Variants in ADAMTS8 observed in about 807,000 individuals in gnomAD.
The protein encoded by ADAMTS8 is ADAM metallopeptidase with thrombospondin type 1 motif 8, also known as A disintegrin and metalloproteinase with thrombospondin motifs 8.
ADAMTS8 carries 50 observed loss-of-function variants against 64.4 expected under a neutral mutation model. That is an observed-to-expected ratio of 0.78 (90% CI 0.62 to 0.98). The LOEUF is 0.98. Among genes scored for constraint, ADAMTS8 ranks in the 50% least tolerant of loss-of-function variants. The pLI is 0.00. For synonymous variants in ADAMTS8, 556 were observed against 533.6 expected, an observed-to-expected ratio of 1.04 and a Z score of -0.58; for missense variants, 1,192 against 1,208.2, an observed-to-expected ratio of 0.99 and a Z score of 0.20.
At position 130,405,739 on chromosome 11, in the gene ADAMTS8, G is replaced by A. The variant is rs373074592; in HGVS notation, c.2489C>T (p.Pro830Leu). The A allele has an allele frequency of 2.0e-5, 33 of 1,614,160 alleles. No individual in the cohort carries two copies. Among genetic ancestry groups the A allele is most frequent in the East Asian group, 1.1e-4 (5 of 44,882 alleles). ...KERATTNIIQ[P>L]LLHAQWVLGD... is the part of the protein sequence containing the mutation. ...CAGCACCCACTGTGCGTGGAGCAGC[G>A]GCTGGATGATGTTGGTGGTTGCTCT... is the stretch of plus-strand genomic sequence containing the variant. The change falls in exon 9 of 9, where the codon CCG becomes CTG. Residue 830 changes from proline to leucine, a missense_variant. By Grantham distance (98) the Pro-to-Leu change is moderately conservative (BLOSUM62 -3). Around this residue, in one of 5 missense-constraint regions of ADAMTS8, gnomAD observed 147 missense variants for 154.1 expected, o/e 0.95. Coordinates refer to ENST00000257359, the MANE Select transcript of ADAMTS8 (RefSeq NM_007037.6).
chr11:130,416,215 G>A lies in ADAMTS8; in HGVS notation c.1212C>T (p.Pro404=), dbSNP rs1362423173. 6.3e-7 allele frequency: 1 copy of A among 1,597,372 alleles called. No individual in the cohort carries two copies. The highest frequency in any genetic ancestry group is 8.5e-7 in the Non-Finnish European group (1 of 1,172,666). ...PLFVHLNQTL[P]WSPCSAMYLT... ...GATACATGGCGCTGCAGGGGGACCA[G>A]GGCAGCGTCTGGTTCAGGTGGACGA... The change falls in exon 4 of 9, where the codon CCC becomes CCT. Residue 404 remains proline, a synonymous_variant. Coordinates refer to ENST00000257359, the MANE Select transcript of ADAMTS8 (RefSeq NM_007037.6). This position sits in a 1 kb window ranked among gnomAD's most constrained non-coding sequence, Gnocchi z 4.8.
In ADAMTS8 at chr11:130,408,901, G is replaced by T. The variant is rs527829487; in HGVS notation, c.1790C>A (p.Ala597Asp). The change falls in exon 7 of 9, where the codon GCC (alanine) becomes GAC (aspartate). Residue 597 changes from alanine (A) to aspartate (D), a missense_variant. Transcript: ENST00000257359. ...FREQQCEKYN[A>D]YNYTDMDGNL... The stretch of plus-strand genomic sequence containing the variant: ...CCCGTCCATGTCAGTGTAATTGTAG[G>T]CATTATACTTCTCACACTGCTGCTC... The T allele has an allele frequency of 5.0e-6, 8 of 1,594,210 alleles. No individual in the cohort carries two copies. The South Asian group carries it at 8.0e-5, about 16-fold the overall frequency.
intron 1 of ADAMTS8, among the ~76,000 whole-genome samples, chr11:130,426,135 T>C (rs1862163809): frequency 6.6e-6 from 1 of 152,160 alleles, no homozygotes; most frequent in African/African-American, 2.4e-5. Context: ...GGGAAGCAAA[T>C]ACCACAAGGG....
In ADAMTS8 at chr11:130,411,847, T is replaced by G; in HGVS notation, c.1567-247A>C. The G allele has an allele frequency of 3.9e-6, 2 of 517,762 alleles. No individual in the cohort carries two copies. Among genetic ancestry groups the G allele is most frequent in the Non-Finnish European group, 6.8e-6 (2 of 292,236 alleles). The allele number at this position is 517,762 out of a possible 1,614,324, so 32.1% of individuals were successfully genotyped here. A position where few individuals can be genotyped will look rare whatever the true frequency, so the allele number is the denominator to read the frequency against. On this transcript the variant is annotated intron_variant, in intron 5 of 8. Transcript: ENST00000257359. This position sits in a 1 kb window ranked among gnomAD's most constrained non-coding sequence, Gnocchi z 4.2. ...GTCTAAAACAGTGCCTTATGCTTAG[T>G]AAGGTGCTCAATAGGCTATCTGCTG...
At position 130,411,516 on chromosome 11, in the gene ADAMTS8, G is replaced by A. The variant is rs375591213; in HGVS notation, c.1651C>T (p.Arg551Cys). The change falls in exon 6 of 9, where the codon CGT becomes TGT. Residue 551 changes from arginine (R) to cysteine (C), a missense_variant. Transcript: ENST00000257359. The surrounding 1 kb of genome is among the most constrained non-coding windows in gnomAD (Gnocchi z 4.2). ...TCGGGVQFSH[R>C]ECKDPEPQNG... ...TGAGGCTCGGGGTCCTTGCACTCACGGTGTGAAAACTGTACTCCTCCTCCA... is the reference window on the plus strand; with the variant it reads ...TGAGGCTCGGGGTCCTTGCACTCACAGTGTGAAAACTGTACTCCTCCTCCA... 37 of 1,614,012 alleles carry A rather than the reference G, an allele frequency of 2.3e-5. No homozygotes were observed. Among genetic ancestry groups the A allele is most frequent in the Non-Finnish European group, 2.9e-5 (34 of 1,180,038 alleles).
At position 130,428,446 on chromosome 11, in the gene ADAMTS8, T is replaced by C. The variant is rs1862214230; in HGVS notation, c.-160A>G. On this transcript the variant is annotated 5_prime_UTR_variant, in exon 1 of 9. Coordinates refer to ENST00000257359, the MANE Select transcript of ADAMTS8 (RefSeq NM_007037.6). Reference sequence around the variant, plus strand: ...CCGCGGGGCCCGGCGGCGGGAGCGCTCCCCCGGCGGCCCCTCTGGCTGGCG... The same window carrying C: ...CCGCGGGGCCCGGCGGCGGGAGCGCCCCCCCGGCGGCCCCTCTGGCTGGCG... 4 of 1,018,400 alleles carry C rather than the reference T, an allele frequency of 3.9e-6. No homozygotes were observed. The highest frequency in any genetic ancestry group is 3.5e-6 in the Non-Finnish European group (3 of 854,472). 63.1% of individuals were successfully genotyped at this position (1,018,400 alleles called of 1,614,324 possible).
chr11:130,413,805 A>C (rs1280736468), intron 5 of ADAMTS8, among the ~76,000 whole-genome samples: 2 of 152,160 alleles, frequency 1.3e-5, no homozygotes, highest in Non-Finnish European at 2.9e-5. Flanking sequence ...GCAGGCTATG[A>C]ATACTTTTCA....
intron 6 of ADAMTS8, among the ~76,000 whole-genome samples, chr11:130,410,564 C>T (rs1006769202): frequency 6.6e-6 from 1 of 152,322 alleles, no homozygotes; most frequent in East Asian, 1.9e-4. Flanking sequence ...ACCGCAAAGC[C>T]TACAGATTCT....
rs143485471 is a variant in ADAMTS8 at position 130,416,762 on chromosome 11, G to A, written c.1096+178C>T. The stretch of plus-strand genomic sequence containing the variant: ...TTGGCCATGTGCTCGGGGTGGGAGC[G>A]GAGTTGTGTTCAGCACTGTCAAGCG... On this transcript the variant is annotated intron_variant, in intron 3 of 8. Coordinates refer to ENST00000257359, the MANE Select transcript of ADAMTS8 (RefSeq NM_007037.6). This position sits in a 1 kb window ranked among gnomAD's most constrained non-coding sequence, Gnocchi z 4.8. Among the ~76,000 whole-genome samples, 274 of 152,286 alleles carry A rather than the reference G, an allele frequency of 1.8e-3. 2 individuals are homozygous for A. The highest frequency in any genetic ancestry group is 0.015 in the Admixed American group (226 of 15,298).
rs764340936 is a variant in ADAMTS8 at position 130,414,798 on chromosome 11, C to G, written c.1299G>C (p.Leu433=). ...GGCCCGGGAGGCCTGTGGGGAGGGG[C>G]AGGGCCGCAGCAGGGGCATCCAGGA... ...DCLLDAPAAA[L]PLPTGLPGRM... The change falls in exon 5 of 9, where the codon CTG becomes CTC. Residue 433 remains leucine (L), a synonymous_variant. Transcript: ENST00000257359. The G allele has an allele frequency of 2.5e-6, 4 of 1,611,484 alleles. No individual in the cohort carries two copies. In the South Asian group the frequency reaches 4.4e-5, roughly 18 times the overall value.
intron 1 of ADAMTS8, among the ~76,000 whole-genome samples, chr11:130,422,273 T>A (rs1862109756): frequency 6.6e-6 from 1 of 151,334 alleles, no homozygotes. Flanking sequence ...TAAAAAAAAA[T>A]GAATTAAAAA....
At chr11:130,414,441 G>T in intron 5 of ADAMTS8, 90 bp downstream of exon 5, 1 of 1,436,076 alleles carries the variant, frequency 7.0e-7, no homozygotes, top group African/African-American at 1.4e-5. Context: ...TCTCAAGTGT[G>T]GTTTCCTTCT....
intron 4 of ADAMTS8, among the ~76,000 whole-genome samples, chr11:130,415,605 T>TTTTTC (rs1862012127): frequency 2.3e-5 from 3 of 132,110 alleles, no homozygotes; most frequent in African/African-American, 1.0e-4. Context: ...ACCTGGCCCT[T>TTTTTC]TTTTTTTTTT....
In ADAMTS8 at chr11:130,408,835, G is replaced by A. The variant is rs773384386; in HGVS notation, c.1856C>T (p.Pro619Leu). Residue 619 changes from proline to leucine, a missense_variant, in exon 7 of 9, where the codon CCC (proline) becomes CTC (leucine). By Grantham distance (98) the Pro-to-Leu change is moderately conservative (BLOSUM62 -3). Around this residue, in one of 5 missense-constraint regions of ADAMTS8, gnomAD observed 290 missense variants for 297.8 expected, o/e 0.97. Coordinates refer to ENST00000257359, the MANE Select transcript of ADAMTS8 (RefSeq NM_007037.6). Reference sequence around the variant, plus strand: ...GCAGAACAACTTGCAGCGGTCCCGGGGGGACACCCCAGCATACTTGGGGAC... The same window carrying A: ...GCAGAACAACTTGCAGCGGTCCCGGAGGGACACCCCAGCATACTTGGGGAC... ...QWVPKYAGVS[P>L]RDRCKLFCRA... 1.2e-6 allele frequency: 2 copies of A among 1,613,906 alleles called. No individual in the cohort carries two copies. The highest frequency in any genetic ancestry group is 1.7e-6 in the Non-Finnish European group (2 of 1,179,966).
Position 130,416,088 on chromosome 11 carries a change from T to G in ADAMTS8, c.1264+75A>C. Reference sequence around the variant, plus strand: ...TAAGGGCCCTGTGAGGAGGCACAGCTGGAGGGGGTCTCTGCGCCAGCACCA... The same window carrying G: ...TAAGGGCCCTGTGAGGAGGCACAGCGGGAGGGGGTCTCTGCGCCAGCACCA... On this transcript the variant is annotated intron_variant, in intron 4 of 8. Transcript: ENST00000257359. This position sits in a 1 kb window ranked among gnomAD's most constrained non-coding sequence, Gnocchi z 4.8. 6.9e-7 allele frequency: 1 copy of G among 1,459,582 alleles called. No homozygotes were observed. Among genetic ancestry groups the G allele is most frequent in the Non-Finnish European group, 9.1e-7 (1 of 1,099,134 alleles). The allele number at this position is 1,459,582 out of a possible 1,614,324, so 90.4% of individuals were successfully genotyped here. A position where few individuals can be genotyped will look rare whatever the true frequency, so the allele number is the denominator to read the frequency against.
chr11:130,419,233 C>T lies in ADAMTS8; in HGVS notation c.780G>A (p.Lys260=). The stretch of plus-strand genomic sequence containing the variant: ...TTACCACCATCAGGTTGATGGAATT[C>T]TTGATGCTGGGGTGCTTGTAGATTC... ...AARIYKHPSI[K]NSINLMVVKV... Residue 260 remains lysine, a synonymous_variant, in exon 2 of 9, where the codon AAG becomes AAA. Transcript: ENST00000257359. The T allele has an allele frequency of 6.2e-7, 1 of 1,614,068 alleles. No individual in the cohort carries two copies. Among genetic ancestry groups the T allele is most frequent in the South Asian group, 1.1e-5 (1 of 91,076 alleles).
intron 1 of ADAMTS8, among the ~76,000 whole-genome samples, chr11:130,426,155 G>A (rs1462557039): frequency 6.6e-6 from 1 of 152,204 alleles, no homozygotes; most frequent in Non-Finnish European, 1.5e-5. Context: ...GCTTGCAGGG[G>A]TGCGTCCCTG....
chr11:130,405,457 C>T lies in ADAMTS8; in HGVS notation c.*101G>A, dbSNP rs1861864539. 3 of 1,502,028 alleles carry T rather than the reference C, an allele frequency of 2.0e-6. No individual in the cohort carries two copies. The highest frequency in any genetic ancestry group is 2.6e-6 in the Non-Finnish European group (3 of 1,133,146). The allele number at this position is 1,502,028 out of a possible 1,614,324, so 93.0% of individuals were successfully genotyped here. A position where few individuals can be genotyped will look rare whatever the true frequency, so the allele number is the denominator to read the frequency against. ...TGGGAGGCCTGGGTGGGCCGTGCTG[C>T]CTTGATATGGCCAAGGGACCCAGTC... On this transcript the variant is annotated 3_prime_UTR_variant, in exon 9 of 9. Transcript: ENST00000257359.
At chr11:130,407,124 T>C (rs1385668588) in intron 8 of ADAMTS8, among the ~76,000 whole-genome samples, 1 of 152,122 alleles carries the variant, frequency 6.6e-6, no homozygotes, top group Non-Finnish European at 1.5e-5. Context: ...TCCCAGCACT[T>C]TGGGAGGCCA....
Sources: gnomAD v4.1 joint callset for allele counts (sites outside exome capture counted in the v4.1 genomes callset) on GRCh38, gnomAD v4.1.1 for gene constraint, gnomAD v4.1.1 regional missense constraint, Gnocchi (gnomAD v3.1) non-coding constraint, MANE v1.5 for transcripts, NCBI Gene and HGNC (gene_info 2026-07-23, HGNC 2026-07-21) for gene names.